The following TOP1 variants were observed in gnomAD, a reference collection of about 807,000 sequenced individuals.
TOP1 encodes DNA topoisomerase 1.
In TOP1, 10 loss-of-function variants were observed where a neutral mutation model predicts 111.1. The ratio of observed to expected loss-of-function variants is 0.09; its 90% CI spans 0.06 to 0.15. The LOEUF is 0.15. TOP1 is among the 10% of genes least tolerant of loss of function. TOP1 has a pLI of 1.00. For synonymous variants in TOP1, 271 were observed against 302.9 expected (o/e 0.89, Z 1.10); for missense variants, 474 against 926.7 (o/e 0.51, Z 6.34).
intron 2 of TOP1, among the ~76,000 whole-genome samples, chr20:41,039,060 G>A (rs574104235): frequency 6.6e-6 from 1 of 152,064 alleles, no homozygotes; most frequent in African/African-American, 2.4e-5. Context: ...TTGGGATGGT[G>A]CAATATTTGG....
rs979719077 is a variant in TOP1, at chr20:41,092,786, A to G, written c.730+199A>G. ...TGCTGCTGAAAAAGTGCCATGGAAA[A>G]GGGGCTATTCATGTCTTCCCTACAT... On this transcript the variant is annotated intron_variant, in intron 9 of 20. Transcript: ENST00000361337. This position sits in a 1 kb window ranked among gnomAD's most constrained non-coding sequence, Gnocchi z 4.3. 2.0e-5 allele frequency among the ~76,000 whole-genome samples: 3 copies of G among 152,184 alleles called. No homozygotes were observed. Among genetic ancestry groups the G allele is most frequent in the Non-Finnish European group, 4.4e-5 (3 of 68,030 alleles).
At position 41,034,548 on chromosome 20, in the gene TOP1, G is replaced by GT. The variant is rs1256438435; in HGVS notation, c.58+5094dup. 1.3e-5 allele frequency among the ~76,000 whole-genome samples: 2 copies of GT among 152,220 alleles called. No individual in the cohort carries two copies. Among genetic ancestry groups the GT allele is most frequent in the Non-Finnish European group, 2.9e-5 (2 of 68,040 alleles). Reference sequence around the variant, plus strand: ...TTGATTGGGGGTTGCGGGGAAGCTTGTAGAGGAATGTCTGTTAGATATTGA... The same window carrying GT: ...TTGATTGGGGGTTGCGGGGAAGCTTGTTAGAGGAATGTCTGTTAGATATTGA... On this transcript the variant is annotated intron_variant, in intron 2 of 20. Coordinates refer to ENST00000361337, the MANE Select transcript of TOP1 (RefSeq NM_003286.4). The surrounding 1 kb of genome is among the most constrained non-coding windows in gnomAD (Gnocchi z 4.0).
chr20:41,115,255 G>A lies in TOP1; in HGVS notation c.1639-116G>A, dbSNP rs769230001. ...AATGTTAACAGTGAATCTCGGTGAC[G>A]GATGTATGCGTGTTCCTTGTGCCTT... On this transcript the variant is annotated intron_variant, in intron 15 of 20. Coordinates refer to ENST00000361337, the MANE Select transcript of TOP1 (RefSeq NM_003286.4). This position sits in a 1 kb window ranked among gnomAD's most constrained non-coding sequence, Gnocchi z 6.3. The A allele has an allele frequency of 2.3e-5, 15 of 649,158 alleles. No homozygotes were observed. The highest frequency in any genetic ancestry group is 3.7e-5 in the African/African-American group (2 of 54,744). The allele number at this position is 649,158 out of a possible 1,614,324, so 40.2% of individuals were successfully genotyped here. A position where few individuals can be genotyped will look rare whatever the true frequency, so the allele number is the denominator to read the frequency against.
At chr20:41,062,342 A>G (rs2033555202) in intron 3 of TOP1, among the ~76,000 whole-genome samples, 1 of 152,234 alleles carries the variant, frequency 6.6e-6, no homozygotes, top group Non-Finnish European at 1.5e-5. Flanking sequence ...AGACAAGTTA[A>G]AGTGAGAATT....
Position 41,043,145 on chromosome 20 carries a change from G to A in TOP1, c.58+13690G>A, listed in dbSNP as rs76411218. On this transcript the variant is annotated intron_variant, in intron 2 of 20. Transcript: ENST00000361337. ...AAACTTGTTGGACATGCAGATTCTCGGGCCTCACCCATACCTACTGACTCT... is the reference window on the plus strand; with the variant it reads ...AAACTTGTTGGACATGCAGATTCTCAGGCCTCACCCATACCTACTGACTCT... 2.2e-3 allele frequency among the ~76,000 whole-genome samples: 333 copies of A among 152,338 alleles called. 1 individual carries two copies. Among genetic ancestry groups the A allele is most frequent in the African/African-American group, 7.6e-3 (315 of 41,574 alleles).
chr20:41,044,950 G>A (rs1303804136), intron 2 of TOP1, among the ~76,000 whole-genome samples: 1 of 152,134 alleles, frequency 6.6e-6, no homozygotes, highest in Non-Finnish European at 1.5e-5. Flanking sequence ...ACCACGCTCA[G>A]CCAGTTTTTT....
rs1005457023 is a variant in TOP1 at position 41,034,932 on chromosome 20, C to G, written c.58+5477C>G. ...GCAGACAGGGTTTCTGTTTGTTGCC[C>G]GGGCTGGAGCGCAGTAGTGTGATTG... On this transcript the variant is annotated intron_variant, in intron 2 of 20. Transcript: ENST00000361337. This position sits in a 1 kb window ranked among gnomAD's most constrained non-coding sequence, Gnocchi z 4.0. 6.6e-6 allele frequency among the ~76,000 whole-genome samples: 1 copy of G among 151,968 alleles called. No individual in the cohort carries two copies. The highest frequency in any genetic ancestry group is 2.4e-5 in the African/African-American group (1 of 41,338).
In TOP1 at chr20:41,121,094, G is replaced by C. The variant is rs568227847; in HGVS notation, c.1951-602G>C. ...CAAAGCTAAGCCCTGCCATGTCCTG[G>C]TTTGGGACAGACTGGCTGAGCTGTT... On this transcript the variant is annotated intron_variant, in intron 18 of 20. Transcript: ENST00000361337. This position sits in a 1 kb window ranked among gnomAD's most constrained non-coding sequence, Gnocchi z 4.2. Among the ~76,000 whole-genome samples the C allele has an allele frequency of 1.0e-3, 154 of 152,160 alleles. No homozygotes were observed. Among genetic ancestry groups the C allele is most frequent in the Non-Finnish European group, 1.2e-3 (79 of 68,032 alleles).
chr20:41,047,424 A>G (rs1174476101), intron 2 of TOP1, among the ~76,000 whole-genome samples: 1 of 152,248 alleles, frequency 6.6e-6, no homozygotes, highest in Non-Finnish European at 1.5e-5. Context: ...AGGCTATACC[A>G]TATAGCCTAG....
At chr20:41,087,228 A>G (rs534130133) in intron 8 of TOP1, among the ~76,000 whole-genome samples, 1 of 152,232 alleles carries the variant, frequency 6.6e-6, no homozygotes, top group East Asian at 1.9e-4. Flanking sequence ...CGTTATCTCC[A>G]TAGAAACATT....
intron 3 of TOP1, among the ~76,000 whole-genome samples, chr20:41,068,799 C>G (rs1267552257): frequency 1.3e-5 from 2 of 152,194 alleles, no homozygotes; most frequent in African/African-American, 4.8e-5. Context: ...TAAAGGGTTA[C>G]ATTCTTATCC....
rs189876321 is a variant in TOP1, at chr20:41,036,729, C to G, written c.58+7274C>G. Among the ~76,000 whole-genome samples the G allele has an allele frequency of 2.9e-3, 442 of 152,198 alleles. 3 individuals carry two copies. The highest frequency in any genetic ancestry group is 0.01 in the African/African-American group (416 of 41,514). ...CCTAATTGAATCAGCAGAGCCTACA[C>G]TGATGTCTTCCAGTTACAAAGCGGT... On this transcript the variant is annotated intron_variant, in intron 2 of 20. Transcript: ENST00000361337.
intron 8 of TOP1, among the ~76,000 whole-genome samples, chr20:41,086,422 A>T (rs933713267): frequency 4.6e-5 from 7 of 152,208 alleles, no homozygotes; most frequent in African/African-American, 1.4e-4. Flanking sequence ...ATTGGGAGTT[A>T]AGAGAATGGT....
At position 41,029,465 on chromosome 20, in the gene TOP1, C is replaced by A; in HGVS notation, c.58+10C>A. On this transcript the variant is annotated intron_variant, in intron 2 of 20. Coordinates refer to ENST00000361337, the MANE Select transcript of TOP1 (RefSeq NM_003286.4). This position sits in a 1 kb window ranked among gnomAD's most constrained non-coding sequence, Gnocchi z 6.1. ...GATTTCCGATTGAATGGTGAGTGTGCCCCCTGCGCCGACTCCGGGGCCCCC... is the reference window on the plus strand; with the variant it reads ...GATTTCCGATTGAATGGTGAGTGTGACCCCTGCGCCGACTCCGGGGCCCCC... The A allele has an allele frequency of 6.5e-7, 1 of 1,542,350 alleles. No homozygotes were observed. The highest frequency in any genetic ancestry group is 8.7e-7 in the Non-Finnish European group (1 of 1,146,304).
chr20:41,096,429 T>C (rs1162591763), intron 9 of TOP1, among the ~76,000 whole-genome samples: 1 of 152,244 alleles, frequency 6.6e-6, no homozygotes, highest in Non-Finnish European at 1.5e-5. Flanking sequence ...TCCCTTGTGC[T>C]GTGGATGCAT....
intron 2 of TOP1, among the ~76,000 whole-genome samples, chr20:41,041,991 C>T (rs1006667085): frequency 6.6e-5 from 10 of 152,070 alleles, no homozygotes; most frequent in Non-Finnish European, 1.5e-4. Flanking sequence ...TTGCTGCAAC[C>T]CCCACCTCCT....
chr20:41,072,959 T>G (rs1443416073), intron 3 of TOP1: 1 of 985,216 alleles, frequency 1.0e-6, no homozygotes, highest in Admixed American at 6.1e-5. Flanking sequence ...CCATTCTGGT[T>G]TTTGTGATTA....
chr20:41,084,601 T>C, intron 8 of TOP1, 33 bp downstream of exon 8: 2 of 1,233,346 alleles, frequency 1.6e-6, no homozygotes, highest in South Asian at 1.5e-5. Context: ...AAATGCCACC[T>C]TTTTTATTGC....
Position 41,118,537 on chromosome 20 carries a change from A to C in TOP1, c.1950+241A>C, listed in dbSNP as rs2034370219. Among the ~76,000 whole-genome samples, 1 of 152,250 alleles carries C rather than the reference A, an allele frequency of 6.6e-6. No individual in the cohort carries two copies. Among genetic ancestry groups the C allele is most frequent in the African/African-American group, 2.4e-5 (1 of 41,470 alleles). ...AGAAGTTCTATACTGGCCACTCCCTATTTTGAAAAACTAACTTTGGTGTAC... is the reference window on the plus strand; with the variant it reads ...AGAAGTTCTATACTGGCCACTCCCTCTTTTGAAAAACTAACTTTGGTGTAC... On this transcript the variant is annotated intron_variant, in intron 18 of 20. Coordinates refer to ENST00000361337, the MANE Select transcript of TOP1 (RefSeq NM_003286.4). This position sits in a 1 kb window ranked among gnomAD's most constrained non-coding sequence, Gnocchi z 4.6.
Sources: allele counts gnomAD v4.1 joint callset (sites outside exome capture counted in the v4.1 genomes callset), GRCh38; gene constraint gnomAD v4.1.1; non-coding constraint Gnocchi (gnomAD v3.1); transcripts MANE v1.5; gene names NCBI Gene and HGNC (gene_info 2026-07-23, HGNC 2026-07-21).